Variants in CRYL1 observed in about 807,000 individuals in gnomAD.
CRYL1 encodes the protein crystallin lambda 1.
CRYL1 carries 29 observed loss-of-function variants against 36.6 expected under a neutral mutation model. That is an observed-to-expected ratio of 0.79 (90% CI 0.59 to 1.08). CRYL1 has a LOEUF of 1.08. CRYL1 is among the 50% of genes least tolerant of loss of function. The probability of loss-of-function intolerance (pLI) is 0.00; values close to 1 mark genes in which losing one functional copy is unlikely to be tolerated. For missense variants in CRYL1, 411 were observed against 407.9 expected, an observed-to-expected ratio of 1.01 and a Z score of -0.06; for synonymous variants, 152 against 151.5, an observed-to-expected ratio of 1.00 and a Z score of -0.02.
At chr13:20,470,927 C>CAAAAAAAAAAAAAAAAAAAAAAA (rs1282081880) in intron 3 of CRYL1, among the ~76,000 whole-genome samples, 3 of 113,808 alleles carry the variant, frequency 2.6e-5, no homozygotes, top group Non-Finnish European at 3.7e-5. Context: ...AAAAAAAAAA[C>CAAAAAAAAAAAAAAAAAAAAAAA]AAAAAAAAAA....
chr13:20,439,860 T>A, intron 3 of CRYL1, 106 bp from the exon 4 acceptor site: 1 of 1,137,966 alleles, frequency 8.8e-7, no homozygotes, highest in South Asian at 1.5e-5. Flanking sequence ...TTGAAAATGA[T>A]GAGGTTCAAG....
intron 3 of CRYL1, among the ~76,000 whole-genome samples, chr13:20,463,420 G>C (rs1347790043): frequency 2.0e-5 from 3 of 151,940 alleles, no homozygotes; most frequent in Non-Finnish European, 4.4e-5. Flanking sequence ...AAAAATCTAA[G>C]ACTCCTTCTC....
chr13:20,513,081 A>T (rs1212851971), intron 1 of CRYL1, among the ~76,000 whole-genome samples: 1 of 152,282 alleles, frequency 6.6e-6, no homozygotes, highest in African/African-American at 2.4e-5. Flanking sequence ...TTAGGTATGA[A>T]TTTTTTTAAG....
intron 1 of CRYL1, among the ~76,000 whole-genome samples, chr13:20,521,169 C>G (rs73447936): frequency 7.6e-6 from 1 of 131,146 alleles, no homozygotes; most frequent in African/African-American, 3.0e-5. Flanking sequence ...AACGAACGAA[C>G]GAAAAAAAGA....
chr13:20,507,574 T>G (rs1476697520), intron 2 of CRYL1, among the ~76,000 whole-genome samples: 1 of 152,172 alleles, frequency 6.6e-6, no homozygotes, highest in Non-Finnish European at 1.5e-5. Flanking sequence ...CTAATGTCTC[T>G]CAGCTCCAAA....
chr13:20,494,746 G>C (rs2872571), intron 2 of CRYL1, among the ~76,000 whole-genome samples: 3 of 152,018 alleles, frequency 2.0e-5, no homozygotes, highest in African/African-American at 7.2e-5. Flanking sequence ...GGACCACCCC[G>C]GAATGAGAAT....
At chr13:20,497,610 CTACA>C (rs1195632303) in intron 2 of CRYL1, among the ~76,000 whole-genome samples, 1 of 149,908 alleles carries the variant, frequency 6.7e-6, no homozygotes, top group Non-Finnish European at 1.5e-5. Flanking sequence ...CCACACACAA[CTACA>C]TACATACCAC....
At chr13:20,471,414 A>T (rs2033056302) in intron 3 of CRYL1, among the ~76,000 whole-genome samples, 1 of 152,124 alleles carries the variant, frequency 6.6e-6, no homozygotes, top group South Asian at 2.1e-4. Context: ...TTGTATTGTT[A>T]GTAGAGACTG....
chr13:20,461,891 G>T (rs957157215), intron 3 of CRYL1, among the ~76,000 whole-genome samples: 13 of 149,792 alleles, frequency 8.7e-5, no homozygotes, highest in Non-Finnish European at 1.6e-4. Flanking sequence ...GGCCTCCAGG[G>T]GCTCAGCATT....
At chr13:20,476,354 CAA>C (rs34453641) in intron 3 of CRYL1, among the ~76,000 whole-genome samples, 9,410 of 98,464 alleles carry the variant, frequency 0.096, 841 homozygotes, top group African/African-American at 0.25. Context: ...AACTCCATCT[CAA>C]AAAAAAAAAA....
chr13:20,502,854 CAG>C (rs930361403), intron 2 of CRYL1, among the ~76,000 whole-genome samples: 1 of 152,150 alleles, frequency 6.6e-6, no homozygotes, highest in Non-Finnish European at 1.5e-5. Context: ...GGAAACCTCA[CAG>C]GGAGACAATG....
At chr13:20,495,814 A>G (rs1266167612) in intron 2 of CRYL1, among the ~76,000 whole-genome samples, 2 of 152,208 alleles carry the variant, frequency 1.3e-5, no homozygotes, top group African/African-American at 2.4e-5. Context: ...CCACAGGGGA[A>G]GGAAGTCCTG....
intron 4 of CRYL1, among the ~76,000 whole-genome samples, chr13:20,434,992 G>A (rs1183453597): frequency 6.6e-6 from 1 of 152,094 alleles, no homozygotes; most frequent in Non-Finnish European, 1.5e-5. Flanking sequence ...AGAGCAATCC[G>A]TGTTGTAGCG....
At chr13:20,472,301 G>A (rs2033076896) in intron 3 of CRYL1, among the ~76,000 whole-genome samples, 1 of 152,080 alleles carries the variant, frequency 6.6e-6, no homozygotes, top group South Asian at 2.1e-4. Flanking sequence ...ATACTGTATT[G>A]CTTAGGGAAC....
At chr13:20,421,263 T>C (rs1353752835) in intron 5 of CRYL1, among the ~76,000 whole-genome samples, 1 of 152,108 alleles carries the variant, frequency 6.6e-6, no homozygotes, top group African/African-American at 2.4e-5. Context: ...TTACAACAAA[T>C]ACAACAGCAA....
chr13:20,406,470 G>A (rs539093035), intron 6 of CRYL1, among the ~76,000 whole-genome samples: 137 of 152,234 alleles, frequency 9.0e-4, no homozygotes, highest in African/African-American at 3.1e-3. Context: ...TAACGGATGG[G>A]TACTCTGTTT....
chr13:20,412,460 G>C (rs549570594), intron 6 of CRYL1, among the ~76,000 whole-genome samples: 2 of 152,214 alleles, frequency 1.3e-5, no homozygotes, highest in African/African-American at 4.8e-5. Flanking sequence ...CAAGCAAAAA[G>C]ATACTAAAAG....
chr13:20,414,226 CACAT>C (rs755210313), intron 5 of CRYL1, among the ~76,000 whole-genome samples: 1 of 126,712 alleles, frequency 7.9e-6, no homozygotes, highest in African/African-American at 3.0e-5. Flanking sequence ...CACACACACA[CACAT>C]ATGTATACAC....
chr13:20,502,239 G>A (rs908559529), intron 2 of CRYL1, among the ~76,000 whole-genome samples: 3 of 152,168 alleles, frequency 2.0e-5, no homozygotes, highest in African/African-American at 4.8e-5. Context: ...TAAATGCACT[G>A]TAGGAAGAAA....
Sources: allele counts gnomAD v4.1 joint callset (sites outside exome capture counted in the v4.1 genomes callset), GRCh38; gene constraint gnomAD v4.1.1; transcripts MANE v1.5; gene names NCBI Gene and HGNC (gene_info 2026-07-23, HGNC 2026-07-21).